GABRB3: variants seen among roughly 807,000 people sequenced by gnomAD.
GABRB3 encodes gamma-aminobutyric acid type A receptor subunit beta3, also known as gamma-aminobutyric acid receptor subunit beta-3.
In GABRB3, 14 loss-of-function variants were observed where a neutral mutation model predicts 52.1. The observed-to-expected ratio is 0.27, with a 90% confidence interval of 0.18 to 0.42. GABRB3 has a LOEUF of 0.42. GABRB3 is among the 10% of genes least tolerant of loss of function. The pLI, the probability that GABRB3 is intolerant of heterozygous loss-of-function variation, is 1.00. For synonymous variants in GABRB3, 260 were observed against 232.3 expected (o/e 1.12, Z -1.08); for missense variants, 307 against 609.1 (o/e 0.50, Z 5.22).
chr15:26,580,840 C>T (rs1410269553), intron 5 of GABRB3, among the ~76,000 whole-genome samples: 1 of 152,210 alleles, frequency 6.6e-6, no homozygotes, highest in Non-Finnish European at 1.5e-5. Flanking sequence ...TCCAGAAAGG[C>T]ATACTCCTCT....
In GABRB3 at chr15:26,681,142, CA is replaced by C. The variant is rs199679769; in HGVS notation, c.241-59609del. 7.5e-3 allele frequency among the ~76,000 whole-genome samples: 1,137 copies of C among 151,128 alleles called. 31 individuals are homozygous for C. The highest frequency in any genetic ancestry group is 0.051 in the Admixed American group (772 of 15,238). ...TCTTTTGGATGTGATGAGAAATAAACAAACCAACCAACCAGCGGCATTTCTA... is the reference window on the plus strand; with the variant it reads ...TCTTTTGGATGTGATGAGAAATAAACAACCAACCAACCAGCGGCATTTCTA... On this transcript the variant is annotated intron_variant, in intron 3 of 8. Transcript: ENST00000311550.
chr15:26,582,024 ATTTTTC>A lies in GABRB3; in HGVS notation c.544+1302_544+1307del, dbSNP rs915074719. Among the ~76,000 whole-genome samples the A allele has an allele frequency of 7.9e-5, 12 of 152,270 alleles. No homozygotes were observed. The East Asian group carries it at 1.7e-3, about 22-fold the overall frequency. On this transcript the variant is annotated intron_variant, in intron 5 of 8. Coordinates refer to ENST00000311550, the MANE Select transcript of GABRB3 (RefSeq NM_000814.6). ...CCTCAAGTGTGGAAATAAAGACACCATTTTTCTTTTATCTATTCCCAATATGGAGAC... is the reference window on the plus strand; with the variant it reads ...CCTCAAGTGTGGAAATAAAGACACCATTTTATCTATTCCCAATATGGAGAC...
chr15:26,593,173 A>G lies in GABRB3; in HGVS notation c.462-9759T>C, dbSNP rs192531280. On this transcript the variant is annotated intron_variant, in intron 4 of 8. Coordinates refer to ENST00000311550, the MANE Select transcript of GABRB3 (RefSeq NM_000814.6). ...CTTGTAAAACCTACTCAAAGGCAGA[A>G]GCTTTGAAAACAGAGGAGATGATAG... Among the ~76,000 whole-genome samples, 23 of 152,326 alleles carry G rather than the reference A, an allele frequency of 1.5e-4. 1 individual carries two copies. In the East Asian group the frequency reaches 3.9e-3, roughly 26 times the overall value.
chr15:26,770,918 G>A (rs1333565634), intron 3 of GABRB3, among the ~76,000 whole-genome samples: 1 of 152,108 alleles, frequency 6.6e-6, no homozygotes, highest in Non-Finnish European at 1.5e-5. Context: ...TTTACTGTAA[G>A]GTAATTTATG....
At chr15:26,587,135 A>G (rs981293632) in intron 4 of GABRB3, among the ~76,000 whole-genome samples, 8 of 152,188 alleles carry the variant, frequency 5.3e-5, no homozygotes, top group Non-Finnish European at 1.0e-4. Flanking sequence ...AAATCGTAAC[A>G]TCATTTTGTG....
chr15:26,568,811 G>A (rs1013265996), intron 6 of GABRB3, among the ~76,000 whole-genome samples: 9 of 151,780 alleles, frequency 5.9e-5, no homozygotes, highest in African/African-American at 9.7e-5. Context: ...CACTGAGCCC[G>A]GCCTATTTTG....
intron 4 of GABRB3, chr15:26,615,218 G>C (rs1219384872): frequency 4.3e-5 from 39 of 900,982 alleles, no homozygotes; most frequent in Non-Finnish European, 4.9e-5. Context: ...CTGTGACTGG[G>C]ACAGGACAAA....
chr15:26,729,315 A>T (rs1889849040), intron 3 of GABRB3, among the ~76,000 whole-genome samples: 1 of 152,046 alleles, frequency 6.6e-6, no homozygotes, highest in African/African-American at 2.4e-5. Context: ...TTAGTCTGGC[A>T]GACTGACCCA....
intron 4 of GABRB3, among the ~76,000 whole-genome samples, chr15:26,593,465 T>C (rs570320682): frequency 6.6e-6 from 1 of 152,230 alleles, no homozygotes; most frequent in Non-Finnish European, 1.5e-5. Flanking sequence ...AACAATAACA[T>C]CGATTACCCT....
chr15:26,653,483 C>A (rs1263030189), intron 3 of GABRB3, among the ~76,000 whole-genome samples: 1 of 152,160 alleles, frequency 6.6e-6, no homozygotes, highest in Non-Finnish European at 1.5e-5. Flanking sequence ...TCCAAGCTGA[C>A]CAATCAGCAC....
chr15:26,705,949 G>C (rs1889085578), intron 3 of GABRB3, among the ~76,000 whole-genome samples: 1 of 152,136 alleles, frequency 6.6e-6, no homozygotes. Flanking sequence ...TGGGTACCAT[G>C]TTCACCATCT....
intron 4 of GABRB3, among the ~76,000 whole-genome samples, chr15:26,609,210 T>C (rs929037762): frequency 6.6e-6 from 1 of 151,682 alleles, no homozygotes. Context: ...TTGGAGAACA[T>C]TATACTAAGT....
intron 4 of GABRB3, among the ~76,000 whole-genome samples, chr15:26,606,670 A>G (rs1442173202): frequency 6.9e-6 from 1 of 145,746 alleles, no homozygotes; most frequent in Non-Finnish European, 1.5e-5. Flanking sequence ...GGCAAAAGAA[A>G]GAAAGAAAAG....
intron 3 of GABRB3, among the ~76,000 whole-genome samples, chr15:26,633,940 C>T (rs1289612351): frequency 6.6e-6 from 1 of 152,216 alleles, no homozygotes; most frequent in African/African-American, 2.4e-5. Flanking sequence ...ACTCTTAATT[C>T]GTTTCAAAGT....
intron 6 of GABRB3, among the ~76,000 whole-genome samples, chr15:26,567,943 G>A (rs1343354166): frequency 6.6e-6 from 1 of 152,256 alleles, no homozygotes; most frequent in East Asian, 1.9e-4. Context: ...AGATAGTGAT[G>A]AGGATGCTCT....
At chr15:26,737,207 A>T (rs565796906) in intron 3 of GABRB3, among the ~76,000 whole-genome samples, 43 of 152,350 alleles carry the variant, frequency 2.8e-4, no homozygotes, top group Middle Eastern at 3.4e-3. Flanking sequence ...TGCATGCTTC[A>T]AAAGGCTGGG....
chr15:26,577,113 C>T (rs1890620660), intron 6 of GABRB3, among the ~76,000 whole-genome samples: 1 of 152,024 alleles, frequency 6.6e-6, no homozygotes, highest in African/African-American at 2.4e-5. Context: ...AATTGGGGTT[C>T]TAGAAGAAGA....
chr15:26,690,779 A>G (rs907321577), intron 3 of GABRB3, among the ~76,000 whole-genome samples: 2 of 151,546 alleles, frequency 1.3e-5, no homozygotes, highest in Non-Finnish European at 2.9e-5. Flanking sequence ...ACTCCAAATC[A>G]TGCCATGTTT....
At chr15:26,729,781 C>T (rs1357521539) in intron 3 of GABRB3, among the ~76,000 whole-genome samples, 1 of 152,176 alleles carries the variant, frequency 6.6e-6, no homozygotes, top group Non-Finnish European at 1.5e-5. Flanking sequence ...GCAGCAGGGC[C>T]TTCCCTGCAC....
Sources: allele counts gnomAD v4.1 joint callset (sites outside exome capture counted in the v4.1 genomes callset), GRCh38; gene constraint gnomAD v4.1.1; transcripts MANE v1.5; gene names NCBI Gene and HGNC (gene_info 2026-07-23, HGNC 2026-07-21).